Variants in REPS2 observed in about 807,000 individuals in gnomAD.
The protein encoded by REPS2 is ralBP1-associated Eps domain-containing protein 2.
In REPS2, 23 loss-of-function variants were observed where a neutral mutation model predicts 53.6. That is an observed-to-expected ratio of 0.43 (90% confidence interval 0.31 to 0.61). The LOEUF is 0.61. Ranked by LOEUF, REPS2 falls within the 20% of genes least tolerant of loss-of-function variation. The pLI, the probability that REPS2 is intolerant of heterozygous loss-of-function variation, is 0.11. For missense variants in REPS2, 446 were observed against 534.9 expected (o/e 0.83, Z 1.64); for synonymous variants, 238 against 218.6 (o/e 1.09, Z -0.78).
At chrX:17,034,318 C>T (rs942704012) in intron 5 of REPS2, among the ~76,000 whole-genome samples, 11 of 111,126 alleles carry the variant, frequency 9.9e-5, no homozygotes, top group African/African-American at 2.6e-4. Context: ...TTTTTTTAGA[C>T]GGAGTTTTGC....
At chrX:17,099,875 G>T in intron 13 of REPS2, 1 of 746,458 alleles carries the variant, frequency 1.3e-6, no homozygotes, top group East Asian at 3.2e-5. Context: ...TGACTTCCTT[G>T]GCAGGGACGA....
Position 17,068,398 on chromosome X carries a change from A to G in REPS2, c.1210-4A>G, listed in dbSNP as rs1403604310. The G allele has an allele frequency of 1.7e-6, 2 of 1,193,662 alleles. No individual in the cohort carries two copies. The highest frequency in any genetic ancestry group is 2.3e-4 in the Middle Eastern group (1 of 4,308). On this transcript the variant is annotated splice_region_variant and splice_polypyrimidine_tract_variant and intron_variant, in intron 9 of 17. Coordinates refer to ENST00000357277, the MANE Select transcript of REPS2 (RefSeq NM_004726.3). ...TTTAATTCATTTACTTTTCTTTTTC[A>G]AAGAAGACATCTGTTAAAGACATGG...
intron 5 of REPS2, among the ~76,000 whole-genome samples, chrX:17,042,997 A>G (rs2061853703): frequency 9.0e-6 from 1 of 110,883 alleles, no homozygotes; most frequent in Admixed American, 9.6e-5. Context: ...GGGATTTGCC[A>G]TGTTGCCCAG....
chrX:16,970,095 A>C (rs926574637), intron 1 of REPS2, among the ~76,000 whole-genome samples: 2 of 111,911 alleles, frequency 1.8e-5, no homozygotes, highest in East Asian at 5.6e-4. Context: ...TTCTACATTC[A>C]TCAGATTGGA....
At chrX:16,947,576 G>T (rs1431298696) in intron 1 of REPS2, among the ~76,000 whole-genome samples, 1 of 111,944 alleles carries the variant, frequency 8.9e-6, no homozygotes, top group African/African-American at 3.3e-5. Flanking sequence ...GTGTGTGTCC[G>T]TAGGGTTCGA....
At chrX:17,119,868 C>CTTTTTTTTTTTTTTTTTTTTTTT (rs35141257) in intron 14 of REPS2, among the ~76,000 whole-genome samples, 1 of 40,509 alleles carries the variant, frequency 2.5e-5, no homozygotes, top group African/African-American at 1.2e-4. Flanking sequence ...CGCACTGTGA[C>CTTTTTTTTTTTTTTTTTTTTTTT]TTTTTTTTTT....
intron 13 of REPS2, among the ~76,000 whole-genome samples, chrX:17,090,624 T>A (rs898461242): frequency 8.9e-6 from 1 of 112,708 alleles, no homozygotes; most frequent in Non-Finnish European, 1.9e-5. Flanking sequence ...ATTCTTTATA[T>A]ATTCTGGATA....
chrX:17,063,104 G>A (rs1478522619), intron 9 of REPS2, among the ~76,000 whole-genome samples: 1 of 111,908 alleles, frequency 8.9e-6, no homozygotes, highest in Non-Finnish European at 1.9e-5. Flanking sequence ...GCTTAGCCAA[G>A]TGCTTAGGAA....
At chrX:16,998,507 C>T (rs1418842119) in intron 1 of REPS2, among the ~76,000 whole-genome samples, 1 of 111,865 alleles carries the variant, frequency 8.9e-6, no homozygotes, top group African/African-American at 3.3e-5. Flanking sequence ...TTCTTTTTCA[C>T]ACTTTAGCAT....
At chrX:16,965,204 T>C (rs2060736092) in intron 1 of REPS2, among the ~76,000 whole-genome samples, 1 of 79,823 alleles carries the variant, frequency 1.3e-5, no homozygotes, top group African/African-American at 4.9e-5. Context: ...CACTTCCCAG[T>C]AGGGGCGGCT....
At chrX:17,055,353 T>G (rs12842725) in intron 8 of REPS2, among the ~76,000 whole-genome samples, 4,027 of 54,569 alleles carry the variant, frequency 0.074, 158 homozygotes, top group East Asian at 0.14. Context: ...CTCTTTAGTT[T>G]AATTAGATCC....
intron 2 of REPS2, among the ~76,000 whole-genome samples, chrX:17,010,647 T>TG (rs2061417130): frequency 8.9e-6 from 1 of 111,848 alleles, no homozygotes; most frequent in East Asian, 2.8e-4. Flanking sequence ...CCTTGCATTG[T>TG]GGGGCATTAT....
intron 1 of REPS2, among the ~76,000 whole-genome samples, chrX:17,001,325 A>G: frequency 8.9e-6 from 1 of 112,604 alleles, no homozygotes; most frequent in South Asian, 3.7e-4. Flanking sequence ...ATCAGTACCA[A>G]TGGTGGGATG....
intron 13 of REPS2, among the ~76,000 whole-genome samples, chrX:17,098,672 C>A (rs1426325633): frequency 9.0e-6 from 1 of 110,870 alleles, no homozygotes; most frequent in East Asian, 2.8e-4. Flanking sequence ...AGTTTAATCT[C>A]CTGAGACCAA....
At chrX:17,112,401 C>T (rs1219598191) in intron 14 of REPS2, among the ~76,000 whole-genome samples, 4 of 112,019 alleles carry the variant, frequency 3.6e-5, no homozygotes, top group African/African-American at 1.3e-4. Context: ...AACTATAGAA[C>T]ACCCAGCATC....
At chrX:17,113,073 C>A in intron 14 of REPS2, among the ~76,000 whole-genome samples, 1 of 60,906 alleles carries the variant, frequency 1.6e-5, no homozygotes, top group Non-Finnish European at 2.7e-5. Context: ...GCCCGGGCGA[C>A]AGAGCAAGAC....
intron 13 of REPS2, among the ~76,000 whole-genome samples, chrX:17,087,047 G>T (rs897862868): frequency 1.8e-5 from 2 of 112,105 alleles, no homozygotes; most frequent in Admixed American, 9.4e-5. Flanking sequence ...TGGGCAGGGG[G>T]TGCACAGGGC....
At chrX:17,043,504 G>GC (rs9331473) in intron 5 of REPS2, among the ~76,000 whole-genome samples, 134 of 103,169 alleles carry the variant, frequency 1.3e-3, no homozygotes, top group South Asian at 3.3e-3. Flanking sequence ...AGCCTTTCTT[G>GC]CCCCCCCCCC....
At chrX:16,961,463 G>A (rs1279088400) in intron 1 of REPS2, among the ~76,000 whole-genome samples, 1 of 111,880 alleles carries the variant, frequency 8.9e-6, no homozygotes, top group African/African-American at 3.2e-5. Context: ...AACTCAAAAT[G>A]TGTCTTTAAA....
Sources: allele counts gnomAD v4.1 joint callset (sites outside exome capture counted in the v4.1 genomes callset), GRCh38; gene constraint gnomAD v4.1.1; transcripts MANE v1.5; gene names NCBI Gene and HGNC (gene_info 2026-07-23, HGNC 2026-07-21).